Variants in NAA16 observed in about 807,000 individuals in gnomAD.
NAA16 encodes NARG1-like protein.
A neutral mutation model predicts 110.3 loss-of-function variants in NAA16; 97 were observed. That is an observed-to-expected ratio of 0.88 (90% CI 0.75 to 1.04). The LOEUF is 1.04. NAA16 is among the 50% of genes least tolerant of loss of function. NAA16 has a pLI of 0.00. For synonymous variants in NAA16, 372 were observed against 330.6 expected, an observed-to-expected ratio of 1.13 and a Z score of -1.36; for missense variants, 1,017 against 1,005.1, an observed-to-expected ratio of 1.01 and a Z score of -0.16.
intron 4 of NAA16, among the ~76,000 whole-genome samples, chr13:41,321,478 T>C (rs2041945499): frequency 6.6e-6 from 1 of 152,198 alleles, no homozygotes; most frequent in Non-Finnish European, 1.5e-5. Flanking sequence ...CGCCTGGCCA[T>C]AACTGTTTAA....
chr13:41,335,501 G>A (rs1278840492), intron 8 of NAA16, among the ~76,000 whole-genome samples: 6 of 152,044 alleles, frequency 3.9e-5, no homozygotes, highest in Non-Finnish European at 8.8e-5. Context: ...GGAAAGGTTC[G>A]GTCTCTGAAA....
chr13:41,323,147 A>C lies in NAA16; in HGVS notation c.494A>C (p.Asp165Ala). Residue 165 changes from aspartate to alanine, a missense_variant, in exon 5 of 20, where the codon GAT (aspartate) becomes GCT (alanine). Physicochemically the swap from Asp to Ala is moderately radical, Grantham distance 126. Coordinates refer to ENST00000379406, the MANE Select transcript of NAA16 (RefSeq NM_024561.5). ...GCATACCATTTGCTGAAAGATTATGATATGGCCCTAAAACTGTTGGAAGAA... is the reference window on the plus strand; with the variant it reads ...GCATACCATTTGCTGAAAGATTATGCTATGGCCCTAAAACTGTTGGAAGAA... ...AIAYHLLKDY[D>A]MALKLLEEFR... The C allele has an allele frequency of 6.2e-7, 1 of 1,614,062 alleles. No homozygotes were observed. The highest frequency in any genetic ancestry group is 8.5e-7 in the Non-Finnish European group (1 of 1,179,928).
At chr13:41,352,892 G>A (rs1160895447) in intron 9 of NAA16, among the ~76,000 whole-genome samples, 1 of 151,990 alleles carries the variant, frequency 6.6e-6, no homozygotes, top group Admixed American at 6.6e-5. Context: ...TGTATGTTTT[G>A]TGGTACCCTT....
At chr13:41,318,948 C>G in intron 3 of NAA16, 38 bp downstream of exon 3, 1 of 1,323,216 alleles carries the variant, frequency 7.6e-7, no homozygotes, top group South Asian at 1.4e-5. Context: ...TATGTTTTAG[C>G]TAGTTTTTTC....
At chr13:41,329,135 A>G (rs1486089971) in intron 7 of NAA16, among the ~76,000 whole-genome samples, 1 of 152,060 alleles carries the variant, frequency 6.6e-6, no homozygotes, top group African/African-American at 2.4e-5. Context: ...AATTTAGAGT[A>G]GGGACATGGG....
rs528354677 is a variant in NAA16 at position 41,346,944 on chromosome 13, C to T, written c.1015-8200C>T. Among the ~76,000 whole-genome samples, 5 of 152,172 alleles carry T rather than the reference C, an allele frequency of 3.3e-5. No homozygotes were observed. In the East Asian group the frequency reaches 5.8e-4, roughly 18 times the overall value. On this transcript the variant is annotated intron_variant, in intron 9 of 19. Transcript: ENST00000379406. ...TTGAAATTAGGAAGTGTGAGCCGGG[C>T]GCGGTGGCTCACGCCTGTAATCCCA...
intron 9 of NAA16, among the ~76,000 whole-genome samples, chr13:41,350,835 G>C (rs56916891): frequency 2.0e-5 from 3 of 151,984 alleles, no homozygotes; most frequent in African/African-American, 7.3e-5. Context: ...ATGTTGCCCA[G>C]GCTGGTCTTG....
chr13:41,329,878 G>C (rs1328019878), intron 7 of NAA16, among the ~76,000 whole-genome samples: 1 of 151,792 alleles, frequency 6.6e-6, no homozygotes, highest in Non-Finnish European at 1.5e-5. Flanking sequence ...AGGATTCTTG[G>C]TTACTATAAA....
At chr13:41,373,386 T>A (rs144132788) in intron 17 of NAA16, 22 of 275,742 alleles carry the variant, frequency 8.0e-5, no homozygotes, top group African/African-American at 4.8e-4. Context: ...GCCTCTTGAG[T>A]AGCTGGGACT....
At chr13:41,359,918 G>A (rs1414221107) in intron 12 of NAA16, among the ~76,000 whole-genome samples, 1 of 152,120 alleles carries the variant, frequency 6.6e-6, no homozygotes, top group Non-Finnish European at 1.5e-5. Flanking sequence ...TTATGCTTGA[G>A]GTAGGAAGCA....
At chr13:41,335,008 C>T (rs368344424) in intron 8 of NAA16, among the ~76,000 whole-genome samples, 1 of 152,112 alleles carries the variant, frequency 6.6e-6, no homozygotes, top group African/African-American at 2.4e-5. Context: ...GGAGATTAGT[C>T]CTGGATCAGC....
At chr13:41,365,218 C>T (rs2043186464) in intron 13 of NAA16, among the ~76,000 whole-genome samples, 2 of 151,900 alleles carry the variant, frequency 1.3e-5, no homozygotes, top group Admixed American at 6.6e-5. Flanking sequence ...AAAATCAACC[C>T]AAGGGGGAGC....
chr13:41,355,655 C>T (rs1178290158), intron 10 of NAA16, among the ~76,000 whole-genome samples: 1 of 152,120 alleles, frequency 6.6e-6, no homozygotes, highest in Non-Finnish European at 1.5e-5. Flanking sequence ...GTCTCGAATA[C>T]CTGACCTCGT....
In NAA16 at chr13:41,328,746, A is replaced by C; in HGVS notation, c.714A>C (p.Gly238=). 2 of 1,607,246 alleles carry C rather than the reference A, an allele frequency of 1.2e-6. No individual in the cohort carries two copies. Among genetic ancestry groups the C allele is most frequent in the Non-Finnish European group, 1.7e-6 (2 of 1,174,958 alleles). ...CAGGGGAAATACTGTTGAAATTGGG[A>C]AGATTAAAAGAAGCCAGTGAAGTGT... The part of the protein sequence containing the change: ...EIKGEILLKL[G]RLKEASEVFK... Residue 238 remains glycine (G), a synonymous_variant, in exon 7 of 20, where the codon GGA becomes GGC. Transcript: ENST00000379406.
At chr13:41,352,608 TCA>T (rs892853410) in intron 9 of NAA16, among the ~76,000 whole-genome samples, 2 of 152,038 alleles carry the variant, frequency 1.3e-5, no homozygotes, top group African/African-American at 4.8e-5. Context: ...TGAGCTGAGA[TCA>T]CACCACTGTA....
chr13:41,375,364 A>G lies in NAA16; in HGVS notation c.2398-41A>G, dbSNP rs376593023. On this transcript the variant is annotated intron_variant, in intron 19 of 19. Coordinates refer to ENST00000379406, the MANE Select transcript of NAA16 (RefSeq NM_024561.5). ...TAAAGTGGTTATTAACTGCGAGCTTATTATTTTTAAATAATTTGTGTTTTC... is the reference window on the plus strand; with the variant it reads ...TAAAGTGGTTATTAACTGCGAGCTTGTTATTTTTAAATAATTTGTGTTTTC... 26 of 1,462,892 alleles carry G rather than the reference A, an allele frequency of 1.8e-5. No homozygotes were observed. In the African/African-American group the frequency reaches 3.6e-4, roughly 21 times the overall value. 90.6% of individuals were successfully genotyped at this position (1,462,892 alleles called of 1,614,324 possible). A position where few individuals can be genotyped will look rare whatever the true frequency, so the allele number is the denominator to read the frequency against.
At chr13:41,312,867 A>G (rs1268312389) in intron 1 of NAA16, among the ~76,000 whole-genome samples, 1 of 152,152 alleles carries the variant, frequency 6.6e-6, no homozygotes, top group Non-Finnish European at 1.5e-5. Flanking sequence ...AAATACGAAT[A>G]ATTAAAGCAC....
intron 3 of NAA16, 108 bp downstream of exon 3, chr13:41,319,018 A>G: frequency 1.9e-6 from 1 of 519,866 alleles, no homozygotes; most frequent in Non-Finnish European, 3.3e-6. Flanking sequence ...AGAGAATTTA[A>G]TGAACTCTGT....
chr13:41,340,646 A>AGTT (rs1566268691), intron 9 of NAA16, among the ~76,000 whole-genome samples: 2 of 83,686 alleles, frequency 2.4e-5, no homozygotes, highest in African/African-American at 4.0e-5. Context: ...GTTTTGAGTG[A>AGTT]GTTTTTTTTT....
Sources: allele counts gnomAD v4.1 joint callset (sites outside exome capture counted in the v4.1 genomes callset), GRCh38; gene constraint gnomAD v4.1.1; transcripts MANE v1.5; gene names NCBI Gene and HGNC (gene_info 2026-07-23, HGNC 2026-07-21).